DOK6: variants seen among roughly 807,000 people sequenced by gnomAD.
DOK6 encodes downstream of tyrosine kinase 6.
In DOK6, 22 loss-of-function variants were observed where a neutral mutation model predicts 44.0. The ratio of observed to expected loss-of-function variants is 0.50; its 90% CI spans 0.36 to 0.71. The LOEUF (loss-of-function observed/expected upper bound fraction) is 0.71. Among genes scored for constraint, DOK6 ranks in the 30% least tolerant of loss-of-function variants. The pLI is 0.00. For synonymous variants in DOK6, 166 were observed against 145.5 expected, an observed-to-expected ratio of 1.14 and a Z score of -1.01; for missense variants, 340 against 416.4, an observed-to-expected ratio of 0.82 and a Z score of 1.60.
intron 2 of DOK6, among the ~76,000 whole-genome samples, chr18:69,598,575 A>G (rs1983800611): frequency 6.6e-6 from 1 of 152,116 alleles, no homozygotes; most frequent in Non-Finnish European, 1.5e-5. Context: ...AAAAATTCGC[A>G]CCTTGATAAG....
Position 69,497,324 on chromosome 18 carries a change from TAGAG to T in DOK6, c.67-67161_67-67158del, listed in dbSNP as rs533499681. On this transcript the variant is annotated intron_variant, in intron 1 of 7. Coordinates refer to ENST00000382713, the MANE Select transcript of DOK6 (RefSeq NM_152721.6). Reference sequence around the variant, plus strand: ...TAATAGAGAAGCTAAAGGGTCAGACTAGAGAAAGAACCAAATGTCGTCTGATGAC... The same window carrying T: ...TAATAGAGAAGCTAAAGGGTCAGACTAAAGAACCAAATGTCGTCTGATGAC... 1.5e-4 allele frequency among the ~76,000 whole-genome samples: 23 copies of T among 152,340 alleles called. No individual in the cohort carries two copies. In the South Asian group the frequency reaches 4.6e-3, roughly 30 times the overall value.
intron 5 of DOK6, among the ~76,000 whole-genome samples, chr18:69,700,040 A>T (rs904606641): frequency 6.6e-6 from 1 of 151,852 alleles, no homozygotes; most frequent in Non-Finnish European, 1.5e-5. Context: ...AAAACATCAG[A>T]TCTCGTGAGA....
At chr18:69,732,788 G>T (rs1472025743) in intron 5 of DOK6, among the ~76,000 whole-genome samples, 1 of 152,102 alleles carries the variant, frequency 6.6e-6, no homozygotes, top group Non-Finnish European at 1.5e-5. Flanking sequence ...TTTAGAGAGG[G>T]TTAAATGGCA....
At chr18:69,767,938 TAC>T (rs1568120750) in intron 7 of DOK6, among the ~76,000 whole-genome samples, 1 of 152,210 alleles carries the variant, frequency 6.6e-6, no homozygotes, top group Non-Finnish European at 1.5e-5. Context: ...TTCCAGATGT[TAC>T]ACTGGATTAG....
chr18:69,697,810 C>T (rs906836739), intron 4 of DOK6, among the ~76,000 whole-genome samples: 1 of 152,128 alleles, frequency 6.6e-6, no homozygotes, highest in African/African-American at 2.4e-5. Flanking sequence ...CTTACCAAAG[C>T]AATGTCTTAA....
At chr18:69,814,811 C>G (rs554370535) in intron 7 of DOK6, among the ~76,000 whole-genome samples, 1 of 152,228 alleles carries the variant, frequency 6.6e-6, no homozygotes, top group South Asian at 2.1e-4. Flanking sequence ...GGTTCGGGCA[C>G]TTTCCACCAG....
chr18:69,695,797 A>T, intron 4 of DOK6, among the ~76,000 whole-genome samples: 1 of 152,322 alleles, frequency 6.6e-6, no homozygotes, highest in East Asian at 1.9e-4. Context: ...AAATATAAAT[A>T]TAATCTTAGC....
At chr18:69,545,116 T>TA (rs11415632) in intron 1 of DOK6, among the ~76,000 whole-genome samples, 79,092 of 145,028 alleles carry the variant, frequency 0.55, 22,763 homozygotes, top group Middle Eastern at 0.63. Flanking sequence ...CGAGACACCA[T>TA]AAAAAAAAAA....
At chr18:69,728,651 A>T (rs897193895) in intron 5 of DOK6, among the ~76,000 whole-genome samples, 1 of 151,730 alleles carries the variant, frequency 6.6e-6, no homozygotes, top group Non-Finnish European at 1.5e-5. Flanking sequence ...AAGCCATTGC[A>T]CTACAGTAAC....
intron 1 of DOK6, among the ~76,000 whole-genome samples, chr18:69,476,681 T>C (rs906588700): frequency 4.6e-5 from 7 of 152,170 alleles, no homozygotes; most frequent in Non-Finnish European, 5.9e-5. Context: ...GGGCCACCCA[T>C]CAGGAACTGG....
At position 69,496,113 on chromosome 18, in the gene DOK6, G is replaced by A. The variant is rs547934910; in HGVS notation, c.67-68374G>A. 9.2e-5 allele frequency among the ~76,000 whole-genome samples: 14 copies of A among 152,276 alleles called. No individual in the cohort carries two copies. The South Asian group carries it at 2.5e-3, about 27-fold the overall frequency. ...GTGGGCTAGGAGGCCCAGATCTACC[G>A]CCGTGACTTGGGCATCTGCAGCTGC... is the stretch of plus-strand genomic sequence containing the variant. On this transcript the variant is annotated intron_variant, in intron 1 of 7. Transcript: ENST00000382713.
In DOK6 at chr18:69,436,242, G is replaced by A. The variant is rs1017539155; in HGVS notation, c.66+34932G>A. On this transcript the variant is annotated intron_variant, in intron 1 of 7. Transcript: ENST00000382713. The stretch of plus-strand genomic sequence containing the variant: ...GTGCAGGTTTGTTACATAGGTATAC[G>A]CGTGCCATGGTGGTTTGCTGCACCC... Among the ~76,000 whole-genome samples, 11 of 150,130 alleles carry A rather than the reference G, an allele frequency of 7.3e-5. No homozygotes were observed. In the East Asian group the frequency reaches 2.0e-3, roughly 27 times the overall value.
intron 1 of DOK6, among the ~76,000 whole-genome samples, chr18:69,448,672 C>T (rs2122454054): frequency 6.6e-6 from 1 of 152,292 alleles, no homozygotes; most frequent in African/African-American, 2.4e-5. Flanking sequence ...CCGTGCCCAG[C>T]CCAAATTGAT....
intron 1 of DOK6, among the ~76,000 whole-genome samples, chr18:69,511,379 T>A (rs574170672): frequency 6.6e-6 from 1 of 152,312 alleles, no homozygotes; most frequent in East Asian, 1.9e-4. Context: ...GAACTTCTTT[T>A]AGGAGATGAG....
chr18:69,583,262 A>G (rs1466493875), intron 2 of DOK6, among the ~76,000 whole-genome samples: 1 of 152,218 alleles, frequency 6.6e-6, no homozygotes, highest in Non-Finnish European at 1.5e-5. Context: ...GTCATGGTCA[A>G]CAGTGTTTTA....
intron 6 of DOK6, 51 bp downstream of exon 6, chr18:69,739,154 G>A: frequency 6.2e-7 from 1 of 1,605,732 alleles, no homozygotes; most frequent in Non-Finnish European, 8.5e-7. Context: ...ATGTCACTGG[G>A]ATCTGATGTA....
chr18:69,483,688 G>T (rs117609627), intron 1 of DOK6: 4,637 of 152,208 alleles, frequency 0.03, 129 homozygotes, highest in Middle Eastern at 0.095. Context: ...CAAAACTCAA[G>T]AAAGTGTTCC....
At chr18:69,515,989 T>C (rs1981511347) in intron 1 of DOK6, among the ~76,000 whole-genome samples, 1 of 152,242 alleles carries the variant, frequency 6.6e-6, no homozygotes, top group South Asian at 2.1e-4. Context: ...GATTTCACTA[T>C]TTAGAAAATG....
At chr18:69,683,051 A>G (rs1986077304) in intron 4 of DOK6, among the ~76,000 whole-genome samples, 1 of 152,166 alleles carries the variant, frequency 6.6e-6, no homozygotes, top group African/African-American at 2.4e-5. Context: ...CTTACTAAGG[A>G]TCTGGGGTAA....
Sources: allele counts gnomAD v4.1 joint callset (sites outside exome capture counted in the v4.1 genomes callset), GRCh38; gene constraint gnomAD v4.1.1; transcripts MANE v1.5; gene names NCBI Gene and HGNC (gene_info 2026-07-23, HGNC 2026-07-21).